Variants in CMTM8 observed in about 807,000 individuals in gnomAD.
The protein encoded by CMTM8 is CKLF-like MARVEL transmembrane domain-containing protein 8.
A neutral mutation model predicts 18.6 loss-of-function variants in CMTM8; 12 were observed. That is an observed-to-expected ratio of 0.65 (90% CI 0.41 to 1.05). The LOEUF (loss-of-function observed/expected upper bound fraction) is 1.05. Ranked by LOEUF, CMTM8 falls within the 50% of genes least tolerant of loss-of-function variation. CMTM8 has a pLI of 0.00. For missense variants in CMTM8, 217 were observed against 227.2 expected, an observed-to-expected ratio of 0.95 and a Z score of 0.29; for synonymous variants, 87 against 90.6, an observed-to-expected ratio of 0.96 and a Z score of 0.23.
intron 1 of CMTM8, among the ~76,000 whole-genome samples, chr3:32,311,587 T>C (rs1343118362): frequency 1.3e-5 from 2 of 152,176 alleles, no homozygotes; most frequent in African/African-American, 4.8e-5. Flanking sequence ...CACTTTAAGA[T>C]TCTTAATCCC....
chr3:32,328,480 C>T (rs564202202), intron 1 of CMTM8, among the ~76,000 whole-genome samples: 1 of 56,212 alleles, frequency 1.8e-5, no homozygotes, highest in East Asian at 3.0e-4. Context: ...GAGCTCTGAT[C>T]GTGCCGCTGC....
chr3:32,255,902 A>G lies in CMTM8; in HGVS notation c.147+16783A>G, dbSNP rs773725299. Among the ~76,000 whole-genome samples the G allele has an allele frequency of 5.9e-4, 90 of 151,610 alleles. 1 individual carries two copies. Among genetic ancestry groups the G allele is most frequent in the Admixed American group, 3.7e-3 (56 of 15,190 alleles). On this transcript the variant is annotated intron_variant, in intron 1 of 3. Coordinates refer to ENST00000307526, the MANE Select transcript of CMTM8 (RefSeq NM_178868.5). ...CACCATGCCCAGCTAATTTTTTTGT[A>G]TTTTTTGTAGAGACAGGATTTCGCC...
intron 1 of CMTM8, chr3:32,259,513 C>T (rs1401024062): frequency 2.6e-6 from 2 of 780,726 alleles, no homozygotes; most frequent in South Asian, 1.3e-5. Flanking sequence ...TTGATGACAC[C>T]AATGTCACTC....
intron 1 of CMTM8, among the ~76,000 whole-genome samples, chr3:32,350,520 G>A (rs1429333668): frequency 2.0e-5 from 2 of 98,828 alleles, no homozygotes; most frequent in Non-Finnish European, 4.3e-5. Context: ...ACCAGGCCCA[G>A]CTAATTTTTT....
chr3:32,299,282 T>C (rs1695566466), intron 1 of CMTM8, among the ~76,000 whole-genome samples: 1 of 152,120 alleles, frequency 6.6e-6, no homozygotes, highest in African/African-American at 2.4e-5. Context: ...AAAGGGACCA[T>C]TGGTTTGAAT....
At position 32,275,644 on chromosome 3, in the gene CMTM8, CTT is replaced by C. The variant is rs771943263; in HGVS notation, c.147+36546_147+36547del. 8.1e-3 allele frequency among the ~76,000 whole-genome samples: 633 copies of C among 78,102 alleles called. 3 individuals carry two copies. Among genetic ancestry groups the C allele is most frequent in the South Asian group, 0.01 (17 of 1,672 alleles). The allele number at this position is 78,102 out of a possible 152,430, so 51.2% of individuals were successfully genotyped here. ...AGCACAAAGGCCCCCCATGTACTTC[CTT>C]TTTTTTTTTTTTTTTTTTTTGGGGA... On this transcript the variant is annotated intron_variant, in intron 1 of 3. Coordinates refer to ENST00000307526, the MANE Select transcript of CMTM8 (RefSeq NM_178868.5).
chr3:32,332,164 A>G (rs1248308687), intron 1 of CMTM8, among the ~76,000 whole-genome samples: 2 of 152,256 alleles, frequency 1.3e-5, no homozygotes, highest in Non-Finnish European at 2.9e-5. Context: ...GAAATCCTAC[A>G]GAAGCATAGT....
intron 1 of CMTM8, among the ~76,000 whole-genome samples, chr3:32,311,225 C>G (rs1301704645): frequency 6.6e-6 from 1 of 152,128 alleles, no homozygotes; most frequent in Non-Finnish European, 1.5e-5. Context: ...AAAATTAAAA[C>G]AAGAATACTG....
chr3:32,315,869 G>T (rs1036857735), intron 1 of CMTM8, among the ~76,000 whole-genome samples: 7 of 151,996 alleles, frequency 4.6e-5, no homozygotes, highest in Non-Finnish European at 1.0e-4. Flanking sequence ...AAGAAACCCA[G>T]ATGCCTCTCA....
intron 1 of CMTM8, among the ~76,000 whole-genome samples, chr3:32,339,380 A>G (rs1401329929): frequency 6.6e-6 from 1 of 152,222 alleles, no homozygotes; most frequent in East Asian, 1.9e-4. Context: ...ACCCAAAGGA[A>G]TCTTACACAG....
At chr3:32,297,766 C>T (rs1695505344) in intron 1 of CMTM8, among the ~76,000 whole-genome samples, 1 of 151,976 alleles carries the variant, frequency 6.6e-6, no homozygotes, top group Non-Finnish European at 1.5e-5. Context: ...TAAGGAAAGA[C>T]AAGTTCTTAA....
intron 1 of CMTM8, among the ~76,000 whole-genome samples, chr3:32,253,337 CCTTTAT>C (rs926564988): frequency 7.0e-6 from 1 of 142,102 alleles, no homozygotes; most frequent in African/African-American, 2.6e-5. Flanking sequence ...TTTTCTTGTC[CCTTTAT>C]CTTTTTTTTT....
chr3:32,370,048 A>G lies in CMTM8; in HGVS notation c.*81A>G. On this transcript the variant is annotated 3_prime_UTR_variant, in exon 4 of 4. Coordinates refer to ENST00000307526, the MANE Select transcript of CMTM8 (RefSeq NM_178868.5). ...AGCTGTAGGTATAATGTATATTCCC[A>G]GAGAATTGTATTTAACTAATTAATG... 1.4e-6 allele frequency: 1 copy of G among 737,652 alleles called. No homozygotes were observed. The highest frequency in any genetic ancestry group is 2.1e-5 in the South Asian group (1 of 47,108). 45.7% of individuals were successfully genotyped at this position (737,652 alleles called of 1,614,324 possible). A position where few individuals can be genotyped will look rare whatever the true frequency, so the allele number is the denominator to read the frequency against.
At chr3:32,316,017 CTTTTTTTTTTTT>C (rs150112865) in intron 1 of CMTM8, among the ~76,000 whole-genome samples, 31 of 65,090 alleles carry the variant, frequency 4.8e-4, no homozygotes, top group African/African-American at 1.6e-3. Flanking sequence ...GTGATTCCAC[CTTTTTTTTTTTT>C]TTTTTTTTTT....
chr3:32,239,974 A>T (rs570512914), intron 1 of CMTM8, among the ~76,000 whole-genome samples: 1 of 152,332 alleles, frequency 6.6e-6, no homozygotes, highest in Middle Eastern at 3.4e-3. Context: ...ATGGATTCAA[A>T]CCCAGGCCTG....
intron 1 of CMTM8, among the ~76,000 whole-genome samples, chr3:32,333,991 T>C (rs80215284): frequency 6.6e-6 from 1 of 151,890 alleles, no homozygotes; most frequent in Admixed American, 6.6e-5. Flanking sequence ...TTTTTTTTTT[T>C]CTTCAAGACA....
chr3:32,256,892 G>A (rs1426805735), intron 1 of CMTM8, among the ~76,000 whole-genome samples: 2 of 152,166 alleles, frequency 1.3e-5, no homozygotes, highest in Admixed American at 6.5e-5. Context: ...CTTTCACTGG[G>A]CTTCAAATCC....
At chr3:32,356,459 T>C (rs910421215) in intron 1 of CMTM8, among the ~76,000 whole-genome samples, 7 of 152,224 alleles carry the variant, frequency 4.6e-5, no homozygotes, top group Non-Finnish European at 7.3e-5. Context: ...CAGTTTCCTT[T>C]TGCTTGATGA....
chr3:32,317,856 C>G (rs905732170), intron 1 of CMTM8, among the ~76,000 whole-genome samples: 2 of 151,966 alleles, frequency 1.3e-5, no homozygotes, highest in Admixed American at 6.6e-5. Flanking sequence ...GAGTTCAAGA[C>G]CAGCCTGGCC....
Sources: gnomAD v4.1 joint callset for allele counts (sites outside exome capture counted in the v4.1 genomes callset) on GRCh38, gnomAD v4.1.1 for gene constraint, MANE v1.5 for transcripts, NCBI Gene and HGNC (gene_info 2026-07-23, HGNC 2026-07-21) for gene names.